DGKB: variants seen among roughly 807,000 people sequenced by gnomAD.
DGKB encodes the protein diacylglycerol kinase beta, also known as 90 kDa diacylglycerol kinase.
Under a neutral mutation model 114.3 loss-of-function variants are expected in DGKB, and 67 were observed. The observed-to-expected ratio is 0.59, with a 90% CI of 0.48 to 0.72. The LOEUF (loss-of-function observed/expected upper bound fraction) is 0.72, where lower values mean the gene tolerates loss of function less well. Among genes scored for constraint, DGKB ranks in the 30% least tolerant of loss-of-function variants. The probability of loss-of-function intolerance (pLI) is 0.00; values close to 1 mark genes in which losing one functional copy is unlikely to be tolerated. For missense variants in DGKB, 907 were observed against 975.2 expected (o/e 0.93, Z 0.93); for synonymous variants, 398 against 323.1 (o/e 1.23, Z -2.49).
intron 1 of DGKB, among the ~76,000 whole-genome samples, chr7:14,846,308 C>A (rs1586880661): frequency 6.6e-6 from 1 of 152,224 alleles, no homozygotes; most frequent in Middle Eastern, 3.4e-3. Context: ...TCTCATAATT[C>A]TCATAGTTCT....
chr7:14,241,318 T>C (rs1440687117), intron 23 of DGKB, among the ~76,000 whole-genome samples: 4 of 152,192 alleles, frequency 2.6e-5, no homozygotes, highest in Non-Finnish European at 2.9e-5. Context: ...GGAATTTTCT[T>C]TCATGGCTAT....
intron 21 of DGKB, among the ~76,000 whole-genome samples, chr7:14,411,399 T>G (rs1824855768): frequency 6.6e-6 from 1 of 152,180 alleles, no homozygotes; most frequent in Admixed American, 6.5e-5. Context: ...TATTTTTCTT[T>G]AATAAGTTGG....
intron 25 of DGKB, among the ~76,000 whole-genome samples, chr7:14,166,604 C>T (rs1422295045): frequency 6.6e-6 from 1 of 151,946 alleles, no homozygotes. Flanking sequence ...TTCACTCTAT[C>T]TCTCCCACTG....
intron 12 of DGKB, among the ~76,000 whole-genome samples, chr7:14,678,996 G>A (rs1019414307): frequency 6.6e-6 from 1 of 152,004 alleles, no homozygotes; most frequent in African/African-American, 2.4e-5. Context: ...GAATGAGAGA[G>A]TTGTAGTAAC....
chr7:14,418,593 A>C (rs555883570), intron 21 of DGKB, among the ~76,000 whole-genome samples: 1 of 151,762 alleles, frequency 6.6e-6, no homozygotes, highest in Non-Finnish European at 1.5e-5. Flanking sequence ...GTATCAGTCC[A>C]TTTATTTCTT....
intron 1 of DGKB, among the ~76,000 whole-genome samples, chr7:14,894,457 T>C (rs1170559593): frequency 6.6e-6 from 1 of 151,454 alleles, no homozygotes; most frequent in South Asian, 2.1e-4. Context: ...GAGAAAAATT[T>C]TTTATCAATA....
At chr7:14,655,297 A>G (rs953760438) in intron 13 of DGKB, among the ~76,000 whole-genome samples, 3 of 151,798 alleles carry the variant, frequency 2.0e-5, no homozygotes, top group African/African-American at 7.3e-5. Flanking sequence ...GTTCAGCATC[A>G]CTAATCATCA....
chr7:14,921,227 T>A (rs1341890311), intron 1 of DGKB, among the ~76,000 whole-genome samples: 1 of 152,106 alleles, frequency 6.6e-6, no homozygotes, highest in Non-Finnish European at 1.5e-5. Context: ...CTATTCTACA[T>A]GAAACTGTAA....
intron 23 of DGKB, among the ~76,000 whole-genome samples, chr7:14,278,749 T>G (rs902111541): frequency 6.6e-6 from 1 of 152,004 alleles, no homozygotes; most frequent in Non-Finnish European, 1.5e-5. Context: ...AGGGAGTTAA[T>G]AAGCAAAATA....
chr7:14,347,218 C>T (rs545293641), intron 21 of DGKB, among the ~76,000 whole-genome samples: 114 of 152,080 alleles, frequency 7.5e-4, no homozygotes, highest in African/African-American at 2.7e-3. Context: ...CTCTTCCCTA[C>T]ACTGTCTCAA....
At chr7:14,526,746 A>T in intron 20 of DGKB, among the ~76,000 whole-genome samples, 1 of 152,152 alleles carries the variant, frequency 6.6e-6, no homozygotes, top group East Asian at 1.9e-4. Context: ...CTGTGCATCT[A>T]ATGCAGTTCG....
intron 1 of DGKB, among the ~76,000 whole-genome samples, chr7:14,911,737 T>G (rs944627909): frequency 3.9e-5 from 6 of 152,218 alleles, no homozygotes; most frequent in African/African-American, 1.4e-4. Context: ...CTGGGTACTA[T>G]GATCCAAAAC....
At chr7:14,550,738 T>A (rs954111085) in intron 20 of DGKB, among the ~76,000 whole-genome samples, 2 of 152,144 alleles carry the variant, frequency 1.3e-5, no homozygotes, top group African/African-American at 4.8e-5. Flanking sequence ...GTCATGAACA[T>A]GATGACGGAA....
chr7:14,273,897 CAG>C (rs1798615990), intron 23 of DGKB, among the ~76,000 whole-genome samples: 1 of 152,176 alleles, frequency 6.6e-6, no homozygotes, highest in South Asian at 2.1e-4. Context: ...ATTGTACTAA[CAG>C]ATAATCAAGA....
At chr7:14,904,715 A>C (rs1357047391), upstream of DGKB, among the ~76,000 whole-genome samples, 1 of 152,186 alleles carries the variant, frequency 6.6e-6, no homozygotes, top group Non-Finnish European at 1.5e-5. Context: ...TTTTAACGTC[A>C]AAATTCTAAT....
intron 23 of DGKB, among the ~76,000 whole-genome samples, chr7:14,178,755 T>C (rs575769125): frequency 1.4e-4 from 21 of 152,276 alleles, no homozygotes; most frequent in African/African-American, 5.1e-4. Context: ...AGGAATATTC[T>C]ACAAAATACT....
intron 13 of DGKB, among the ~76,000 whole-genome samples, chr7:14,661,401 A>C (rs1817044546): frequency 7.0e-6 from 1 of 143,238 alleles, no homozygotes; most frequent in Admixed American, 7.3e-5. Context: ...GAAGGACATG[A>C]ACAGACACTT....
At chr7:14,770,818 T>C (rs1162639155) in intron 2 of DGKB, among the ~76,000 whole-genome samples, 1 of 152,078 alleles carries the variant, frequency 6.6e-6, no homozygotes, top group East Asian at 1.9e-4. Flanking sequence ...ACAACTGTTT[T>C]AGCACTGACT....
intron 8 of DGKB, among the ~76,000 whole-genome samples, chr7:14,697,102 A>G (rs1824074911): frequency 6.6e-6 from 1 of 152,288 alleles, no homozygotes. Flanking sequence ...TTTTGTGGCC[A>G]AAGTTATGGT....
Sources: allele counts gnomAD v4.1 joint callset (sites outside exome capture counted in the v4.1 genomes callset), GRCh38; gene constraint gnomAD v4.1.1; transcripts MANE v1.5; gene names NCBI Gene and HGNC (gene_info 2026-07-23, HGNC 2026-07-21).